The following CTNNA3 variants were observed in gnomAD, a reference collection of about 807,000 sequenced individuals.
CTNNA3 encodes catenin alpha 3.
CTNNA3 carries 76 observed loss-of-function variants against 95.7 expected under a neutral mutation model. The ratio of observed to expected loss-of-function variants is 0.79; its 90% confidence interval spans 0.66 to 0.96. CTNNA3 has a LOEUF of 0.96. CTNNA3 is among the 40% of genes least tolerant of loss of function. CTNNA3 has a pLI of 0.00. For synonymous variants in CTNNA3, 431 were observed against 374.4 expected (o/e 1.15, Z -1.74); for missense variants, 1,191 against 1,089.8 (o/e 1.09, Z -1.31).
intron 11 of CTNNA3, among the ~76,000 whole-genome samples, chr10:66,388,814 A>C (rs1356386132): frequency 2.0e-5 from 3 of 152,138 alleles, no homozygotes; most frequent in South Asian, 2.1e-4. Context: ...AGGTTCACAA[A>C]GTTTGTATTA....
At chr10:66,250,837 T>C (rs181225944) in intron 13 of CTNNA3, among the ~76,000 whole-genome samples, 2 of 152,336 alleles carry the variant, frequency 1.3e-5, no homozygotes, top group Non-Finnish European at 2.9e-5. Flanking sequence ...TCTCTATCTT[T>C]TAGCTTCTGT....
chr10:66,516,506 C>T (rs943298383), intron 11 of CTNNA3, among the ~76,000 whole-genome samples: 6 of 152,112 alleles, frequency 3.9e-5, no homozygotes, highest in African/African-American at 1.2e-4. Context: ...TCACAAGAGC[C>T]GATTCTATGC....
At chr10:65,955,745 A>G (rs2077715879) in intron 17 of CTNNA3, among the ~76,000 whole-genome samples, 1 of 152,068 alleles carries the variant, frequency 6.6e-6, no homozygotes, top group South Asian at 2.1e-4. Flanking sequence ...AGCCTACTTG[A>G]TCATGGTGGA....
intron 5 of CTNNA3, among the ~76,000 whole-genome samples, chr10:67,353,990 C>T (rs931240527): frequency 6.6e-6 from 1 of 151,992 alleles, no homozygotes; most frequent in Non-Finnish European, 1.5e-5. Flanking sequence ...ATCTTTCAAA[C>T]AGCAGCCCAC....
At chr10:67,691,592 G>A (rs1255553655) in intron 1 of CTNNA3, among the ~76,000 whole-genome samples, 1 of 151,312 alleles carries the variant, frequency 6.6e-6, no homozygotes, top group East Asian at 2.0e-4. Context: ...CCCCGTCTGA[G>A]AAGTGAGGAG....
chr10:66,084,802 G>A (rs764678698), intron 14 of CTNNA3: 20 of 152,042 alleles, frequency 1.3e-4, no homozygotes, highest in Non-Finnish European at 2.2e-4. Flanking sequence ...TCAATGGCAC[G>A]TTTCAATGTT....
intron 11 of CTNNA3, among the ~76,000 whole-genome samples, chr10:66,511,844 G>GA (rs1240101160): frequency 6.6e-6 from 1 of 151,892 alleles, no homozygotes; most frequent in East Asian, 1.9e-4. Context: ...GTAGCCATTG[G>GA]AAAAAATGTT....
intron 15 of CTNNA3, among the ~76,000 whole-genome samples, chr10:66,029,366 C>G (rs2079407430): frequency 6.6e-6 from 1 of 152,072 alleles, no homozygotes; most frequent in Non-Finnish European, 1.5e-5. Context: ...CATCTCTGAC[C>G]TCATCTTTTA....
chr10:66,092,640 A>G (rs1589379598), intron 14 of CTNNA3, among the ~76,000 whole-genome samples: 1 of 151,962 alleles, frequency 6.6e-6, no homozygotes, highest in Admixed American at 6.6e-5. Flanking sequence ...ACAATATACC[A>G]CTTAAATTCA....
chr10:67,455,986 G>A lies in CTNNA3; in HGVS notation c.579+65856C>T, dbSNP rs559073313. ...ATATAAGGTTACAATAGAAGAAACT[G>A]CAAGAAAGGTATACAAGAACTCCTC... On this transcript the variant is annotated intron_variant, in intron 5 of 17. Transcript: ENST00000433211. Among the ~76,000 whole-genome samples the A allele has an allele frequency of 8.5e-5, 13 of 152,262 alleles. No individual in the cohort carries two copies. In the East Asian group the frequency reaches 1.7e-3, roughly 20 times the overall value.
chr10:67,741,567 G>C (rs1232361814), intron 1 of CTNNA3, among the ~76,000 whole-genome samples: 4 of 151,080 alleles, frequency 2.6e-5, no homozygotes, highest in Non-Finnish European at 5.9e-5. Flanking sequence ...AAATTCTAAA[G>C]ACCATCGAGG....
chr10:66,703,049 C>A (rs1848006516), intron 9 of CTNNA3, among the ~76,000 whole-genome samples: 1 of 152,108 alleles, frequency 6.6e-6, no homozygotes, highest in Non-Finnish European at 1.5e-5. Flanking sequence ...ATATTTACTT[C>A]TGCTAGCCTA....
chr10:67,752,793 T>C (rs958559042), intron 1 of CTNNA3, among the ~76,000 whole-genome samples: 1 of 152,128 alleles, frequency 6.6e-6, no homozygotes, highest in Admixed American at 6.6e-5. Flanking sequence ...CAAGGAGAAC[T>C]ACAAACCACT....
At position 66,260,282 on chromosome 10, in the gene CTNNA3, T is replaced by TA. The variant is rs565847397; in HGVS notation, c.1884+20187dup. Among the ~76,000 whole-genome samples, 88 of 152,262 alleles carry TA rather than the reference T, an allele frequency of 5.8e-4. No homozygotes were observed. In the South Asian group the frequency reaches 0.018, roughly 31 times the overall value. ...ATTCAAATTCCATGGAGAAATATCT[T>TA]AAAGTTAATCATCTCTGCCCTCCAA... On this transcript the variant is annotated intron_variant, in intron 13 of 17. Coordinates refer to ENST00000433211, the MANE Select transcript of CTNNA3 (RefSeq NM_013266.4).
At chr10:67,579,266 G>A (rs971484033) in intron 3 of CTNNA3, among the ~76,000 whole-genome samples, 19 of 130,698 alleles carry the variant, frequency 1.5e-4, no homozygotes, top group South Asian at 4.8e-4. Flanking sequence ...AAGTGTTCTC[G>A]TTGTTCAATT....
chr10:66,648,482 G>C (rs1175168181), intron 9 of CTNNA3, among the ~76,000 whole-genome samples: 4 of 152,124 alleles, frequency 2.6e-5, no homozygotes, highest in African/African-American at 4.8e-5. Flanking sequence ...ATGAATTGTA[G>C]CCATGATCTC....
chr10:67,436,801 A>G (rs891890999), intron 5 of CTNNA3, among the ~76,000 whole-genome samples: 2 of 152,216 alleles, frequency 1.3e-5, no homozygotes, highest in African/African-American at 4.8e-5. Flanking sequence ...AAGAATGGCC[A>G]TAAGCAAAAA....
At chr10:67,366,312 C>G (rs1843216731) in intron 5 of CTNNA3, among the ~76,000 whole-genome samples, 1 of 151,968 alleles carries the variant, frequency 6.6e-6, no homozygotes. Context: ...ACCTATGTAA[C>G]AAATCTGCAT....
chr10:67,706,848 A>G (rs1361568089), intron 1 of CTNNA3, among the ~76,000 whole-genome samples: 2 of 152,132 alleles, frequency 1.3e-5, no homozygotes, highest in African/African-American at 4.8e-5. Context: ...CATGACCCCC[A>G]CAGCAATATA....
Sources: gnomAD v4.1 joint callset for allele counts (sites outside exome capture counted in the v4.1 genomes callset) on GRCh38, gnomAD v4.1.1 for gene constraint, MANE v1.5 for transcripts, NCBI Gene and HGNC (gene_info 2026-07-23, HGNC 2026-07-21) for gene names.